The following SLC35H1 variants were observed in gnomAD, a reference collection of about 807,000 sequenced individuals.
The protein encoded by SLC35H1 is solute carrier family 35 member H1.
chr20:46,358,966 AAC>A, the SLC35H1 span: 3 of 594,018 alleles, frequency 5.1e-6, no homozygotes, highest in African/African-American at 3.7e-5. Flanking sequence ...GACCTTTTAA[AAC>A]ACAAACTGAT....
chr20:46,355,870 T>A, the SLC35H1 span: 2 of 1,613,972 alleles, frequency 1.2e-6, no homozygotes, highest in South Asian at 2.2e-5. This position sits in a 1 kb window ranked among gnomAD's most constrained non-coding sequence, Gnocchi z 4.8. Context: ...TTGGTCATTG[T>A]GTACCTGGAA....
chr20:46,351,181 T>C, the SLC35H1 span, among the ~76,000 whole-genome samples: 1 of 152,218 alleles, frequency 6.6e-6, no homozygotes, highest in African/African-American at 2.4e-5. Flanking sequence ...AGATCGCGCC[T>C]TATCCACAAG....
the SLC35H1 span, chr20:46,358,774 A>T: frequency 6.8e-7 from 1 of 1,468,124 alleles, no homozygotes; most frequent in Non-Finnish European, 9.3e-7. Flanking sequence ...CTGCTGGGGA[A>T]AAAGGGCCGC....
chr20:46,355,285 G>A, the SLC35H1 span: 3 of 1,564,952 alleles, frequency 1.9e-6, no homozygotes, highest in African/African-American at 4.1e-5. The surrounding 1 kb of genome is among the most constrained non-coding windows in gnomAD (Gnocchi z 4.8). Flanking sequence ...GGGGTCTTGA[G>A]GGTCAAGGGT....
At chr20:46,361,327 G>C in the SLC35H1 span, among the ~76,000 whole-genome samples, 1 of 152,090 alleles carries the variant, frequency 6.6e-6, no homozygotes, top group Non-Finnish European at 1.5e-5. Flanking sequence ...AATACCGTCA[G>C]CTCTATCTTC....
the SLC35H1 span, chr20:46,350,751 T>A: frequency 1.2e-6 from 2 of 1,613,744 alleles, no homozygotes; most frequent in Non-Finnish European, 1.7e-6. Flanking sequence ...TGGAAGGGAC[T>A]CTGGGTTACC....
chr20:46,357,913 T>A, the SLC35H1 span: 1 of 838,220 alleles, frequency 1.2e-6, no homozygotes, highest in Non-Finnish European at 1.8e-6. Flanking sequence ...GTAGGGCCCT[T>A]AGTTACGGTA....
the SLC35H1 span, chr20:46,355,314 G>T: frequency 6.7e-7 from 1 of 1,495,238 alleles, no homozygotes; most frequent in East Asian, 2.5e-5. This position sits in a 1 kb window ranked among gnomAD's most constrained non-coding sequence, Gnocchi z 4.8. Context: ...TTTGGAGCCT[G>T]GGGTCAGCAG....
At chr20:46,360,661 C>T in the SLC35H1 span, among the ~76,000 whole-genome samples, 2 of 152,160 alleles carry the variant, frequency 1.3e-5, no homozygotes, top group African/African-American at 4.8e-5. Context: ...TCTCCTGCCT[C>T]AGGCTCCCTA....
the SLC35H1 span, among the ~76,000 whole-genome samples, chr20:46,356,986 T>C: frequency 6.6e-6 from 1 of 151,834 alleles, no homozygotes; most frequent in African/African-American, 2.4e-5. Flanking sequence ...CCACGGGGAA[T>C]CCGGCCTCCA....
the SLC35H1 span, among the ~76,000 whole-genome samples, chr20:46,362,199 C>A: frequency 2.0e-5 from 3 of 152,172 alleles, no homozygotes; most frequent in Non-Finnish European, 4.4e-5. Context: ...TGTAGGCCCA[C>A]CACTGGAGAC....
the SLC35H1 span, among the ~76,000 whole-genome samples, chr20:46,360,511 CCTTTT>C: frequency 6.6e-6 from 1 of 151,464 alleles, no homozygotes. Context: ...CAATTACTTT[CCTTTT>C]ATGTTATAGG....
the SLC35H1 span, chr20:46,358,632 G>A: frequency 6.4e-6 from 10 of 1,561,858 alleles, no homozygotes; most frequent in Non-Finnish European, 8.7e-6. Context: ...CAGGCTGGAG[G>A]AGCTCTCTGC....
At chr20:46,352,692 T>A in the SLC35H1 span, 1 of 157,132 alleles carries the variant, frequency 6.4e-6, no homozygotes, top group Non-Finnish European at 1.4e-5. Context: ...ATGATGGGGA[T>A]CCTAGTGGGA....
At chr20:46,356,003 G>C in the SLC35H1 span, 1 of 1,364,382 alleles carries the variant, frequency 7.3e-7, no homozygotes. Flanking sequence ...TGAGTGATAA[G>C]CGACCTTTAA....
At chr20:46,350,477 G>A in the SLC35H1 span, 1 of 1,613,246 alleles carries the variant, frequency 6.2e-7, no homozygotes. Flanking sequence ...AGCAGCTCCA[G>A]GTCGGGGCTG....
the SLC35H1 span, among the ~76,000 whole-genome samples, chr20:46,360,793 G>T: frequency 5.3e-5 from 8 of 152,286 alleles, no homozygotes; most frequent in African/African-American, 1.9e-4. Flanking sequence ...CAGGTGATCC[G>T]CCCGCCTTGC....
At chr20:46,357,479 G>A in the SLC35H1 span, 1 of 990,866 alleles carries the variant, frequency 1.0e-6, no homozygotes, top group Admixed American at 2.3e-5. Flanking sequence ...GGTGGTGGGA[G>A]GCCAGGTCAA....
the SLC35H1 span, chr20:46,350,940 G>A: frequency 6.2e-7 from 1 of 1,607,974 alleles, no homozygotes; most frequent in Non-Finnish European, 8.5e-7. Context: ...AGATTTGGCT[G>A]CTTGACCAGG....
Sources: gnomAD v4.1 joint callset for allele counts (sites outside exome capture counted in the v4.1 genomes callset) on GRCh38, gnomAD v4.1.1 for gene constraint, Gnocchi (gnomAD v3.1) non-coding constraint, MANE v1.5 for transcripts, NCBI Gene and HGNC (gene_info 2026-07-23, HGNC 2026-07-21) for gene names.